The following DHX57 variants were observed in gnomAD, a reference collection of about 807,000 sequenced individuals.
DHX57 encodes putative ATP-dependent RNA helicase DHX57.
DHX57 carries 105 observed loss-of-function variants against 156.2 expected under a neutral mutation model. That is an observed-to-expected ratio of 0.67 (90% confidence interval 0.57 to 0.79). The LOEUF is 0.79. Ranked by LOEUF, DHX57 falls within the 30% of genes least tolerant of loss-of-function variation. The pLI, the probability that DHX57 is intolerant of heterozygous loss-of-function variation, is 0.00. For missense variants in DHX57, 1,847 were observed against 1,661.9 expected, an observed-to-expected ratio of 1.11 and a Z score of -1.94; for synonymous variants, 704 against 595.6, an observed-to-expected ratio of 1.18 and a Z score of -2.65.
At chr2:38,806,413 G>T in intron 22 of DHX57, 146 bp downstream of exon 22, 2 of 859,664 alleles carry the variant, frequency 2.3e-6, no homozygotes, top group South Asian at 2.5e-5. Flanking sequence ...CCAATTTCCA[G>T]TCTGTTTATT....
At chr2:38,864,379 C>T (rs1664940488) in intron 2 of DHX57, among the ~76,000 whole-genome samples, 2 of 151,538 alleles carry the variant, frequency 1.3e-5, no homozygotes, top group South Asian at 4.2e-4. Flanking sequence ...GATCCTGTCT[C>T]TATTTAAAAA....
rs568914114 is a variant in DHX57, at chr2:38,820,290, G to A, written c.3292-1146C>T. Among the ~76,000 whole-genome samples, 49 of 151,960 alleles carry A rather than the reference G, an allele frequency of 3.2e-4. 1 individual carries two copies. Among genetic ancestry groups the A allele is most frequent in the South Asian group, 2.3e-3 (11 of 4,810 alleles). ...CAGCAAAGGGCAGGTGCTCAGTTTT[G>A]GCCAAGGATGACATCAATATTTCTT... is the stretch of plus-strand genomic sequence containing the variant. On this transcript the variant is annotated intron_variant, in intron 17 of 23. Coordinates refer to ENST00000457308, the MANE Select transcript of DHX57 (RefSeq NM_198963.3).
intron 1 of DHX57, among the ~76,000 whole-genome samples, chr2:38,869,016 G>A (rs1350178935): frequency 3.9e-5 from 6 of 152,090 alleles, no homozygotes; most frequent in African/African-American, 1.4e-4. Context: ...TGGCCAGGCT[G>A]GTCTCGAACT....
intron 1 of DHX57, among the ~76,000 whole-genome samples, chr2:38,874,994 A>G (rs575534242): frequency 6.6e-6 from 1 of 152,334 alleles, no homozygotes; most frequent in Admixed American, 6.5e-5. Flanking sequence ...TGTACTGAGA[A>G]ACATTAGGAA....
chr2:38,807,652 C>A (rs770870639), intron 21 of DHX57, among the ~76,000 whole-genome samples: 1 of 145,834 alleles, frequency 6.9e-6, no homozygotes, highest in East Asian at 2.1e-4. Context: ...CCACTGCGCC[C>A]GGCCTTTTTT....
chr2:38,857,151 T>C (rs1212509526), intron 6 of DHX57: 1 of 154,150 alleles, frequency 6.5e-6, no homozygotes, highest in Non-Finnish European at 1.5e-5. Context: ...GCACCTGAAA[T>C]GTGAAGAATA....
intron 22 of DHX57, among the ~76,000 whole-genome samples, chr2:38,805,562 G>A (rs1210985226): frequency 2.0e-5 from 3 of 152,198 alleles, no homozygotes; most frequent in Admixed American, 1.3e-4. Flanking sequence ...AGTGGCAGTG[G>A]GGATAAAAGG....
chr2:38,846,576 C>T (rs529985480), intron 11 of DHX57, among the ~76,000 whole-genome samples: 56 of 145,958 alleles, frequency 3.8e-4, no homozygotes, highest in African/African-American at 1.3e-3. Flanking sequence ...ATGATTACAC[C>T]ACTGCACACC....
intron 5 of DHX57, 58 bp from the exon 6 acceptor site, chr2:38,858,894 A>G (rs1356253170): frequency 1.3e-6 from 2 of 1,531,960 alleles, no homozygotes; most frequent in Middle Eastern, 1.7e-4. Flanking sequence ...ACAAAAGGGG[A>G]AAGTCGCTGT....
chr2:38,843,674 A>T (rs2124879637), intron 11 of DHX57, among the ~76,000 whole-genome samples: 1 of 152,296 alleles, frequency 6.6e-6, no homozygotes, highest in East Asian at 1.9e-4. Context: ...TTACAACTGG[A>T]TAGTTTAATA....
chr2:38,818,188 T>C (rs1033933020), intron 19 of DHX57, among the ~76,000 whole-genome samples: 3 of 152,106 alleles, frequency 2.0e-5, no homozygotes, highest in Non-Finnish European at 2.9e-5. Flanking sequence ...TGTATAAGCA[T>C]ACAATTTTGT....
At chr2:38,836,969 C>T (rs1043975528) in intron 13 of DHX57, among the ~76,000 whole-genome samples, 5 of 151,984 alleles carry the variant, frequency 3.3e-5, no homozygotes, top group African/African-American at 1.2e-4. Flanking sequence ...CCTCCCACTC[C>T]AACCCCTTGC....
Position 38,862,159 on chromosome 2 carries a change from C to A in DHX57, c.558G>T (p.Val186=). The change falls in exon 4 of 24, where the codon GTG becomes GTT. Residue 186 remains valine (V), a synonymous_variant. Transcript: ENST00000457308. ...VPEFTVSPFA[V]QKLSRYGFNT... is the part of the protein sequence containing the mutation. ...AAAGCAATCACCTGGAAAGTTTTTG[C>A]ACTGCAAATGGGGAGACTGTAAATT... The A allele has an allele frequency of 6.3e-7, 1 of 1,593,356 alleles. No individual in the cohort carries two copies. The highest frequency in any genetic ancestry group is 1.1e-5 in the South Asian group (1 of 88,450).
chr2:38,854,977 T>C (rs1378564254), intron 8 of DHX57, 80 bp downstream of exon 8: 4 of 1,471,342 alleles, frequency 2.7e-6, no homozygotes, highest in Admixed American at 1.7e-5. Context: ...AAATTGCCCA[T>C]GAATCTCCTA....
chr2:38,819,019 T>C (rs1414762158), intron 18 of DHX57, 30 bp downstream of exon 18: 4 of 1,614,108 alleles, frequency 2.5e-6, no homozygotes, highest in East Asian at 2.2e-5. Context: ...ACACTGGTAA[T>C]AAAACTAAGC....
At position 38,811,752 on chromosome 2, in the gene DHX57, G is replaced by A. The variant is rs1572626606; in HGVS notation, c.3681+2069C>T. 6 of 517,982 alleles carry A rather than the reference G, an allele frequency of 1.2e-5. No homozygotes were observed. The East Asian group carries it at 1.4e-4, about 12-fold the overall frequency. The allele number at this position is 517,982 out of a possible 1,614,324, so 32.1% of individuals were successfully genotyped here. ...CTGGGGAGCAAAGGCAGGCAACAGA[G>A]CAGGGCCCACGTCTTTCTTATTGGT... On this transcript the variant is annotated intron_variant, in intron 21 of 23. Transcript: ENST00000457308.
chr2:38,857,518 T>C (rs183705868), intron 6 of DHX57, among the ~76,000 whole-genome samples: 1 of 152,238 alleles, frequency 6.6e-6, no homozygotes, highest in Non-Finnish European at 1.5e-5. Flanking sequence ...TCATCTTACC[T>C]ACAGTGCAAT....
chr2:38,798,312 AC>A lies in DHX57; in HGVS notation c.4147del (p.Val1383SerfsTer9), dbSNP rs763924562. 6.2e-7 allele frequency: 1 copy of A among 1,612,762 alleles called. No homozygotes were observed. The highest frequency in any genetic ancestry group is 2.2e-5 in the East Asian group (1 of 44,878). ...TAAGACTGCTTTTTATTGTGTGGTG[AC>A]AAGTTTCACAATTGTGCTGATGATC... ...SRIISTIVKL[V>X]TTQ On this transcript the variant is annotated frameshift_variant, in exon 24 of 24. Transcript: ENST00000457308. LOFTEE classifies it high-confidence loss of function.
chr2:38,850,446 G>A (rs1672525089), intron 9 of DHX57, among the ~76,000 whole-genome samples: 1 of 151,898 alleles, frequency 6.6e-6, no homozygotes, highest in Non-Finnish European at 1.5e-5. Flanking sequence ...TTTTATAGTA[G>A]AGATGGTGTC....
Sources: gnomAD v4.1 joint callset for allele counts (sites outside exome capture counted in the v4.1 genomes callset) on GRCh38, gnomAD v4.1.1 for gene constraint, MANE v1.5 for transcripts, NCBI Gene and HGNC (gene_info 2026-07-23, HGNC 2026-07-21) for gene names.